MYO15A: variants seen among roughly 807,000 people sequenced by gnomAD.
MYO15A encodes the protein unconventional myosin-XV.
In MYO15A, 308 loss-of-function variants were observed where a neutral mutation model predicts 394.6. The observed-to-expected ratio is 0.78, with a 90% CI of 0.71 to 0.86. MYO15A has a LOEUF of 0.86. Ranked by LOEUF, MYO15A falls within the 40% of genes least tolerant of loss-of-function variation. The pLI, the probability that MYO15A is intolerant of heterozygous loss-of-function variation, is 0.00. For missense variants in MYO15A, 4,606 were observed against 4,799.1 expected (o/e 0.96, Z 1.19); for synonymous variants, 1,957 against 2,003.8 (o/e 0.98, Z 0.62).
At chr17:18,173,682 CT>C in intron 64 of MYO15A, 98 bp from the exon 65 acceptor site, 1 of 1,537,504 alleles carries the variant, frequency 6.5e-7, no homozygotes, top group Admixed American at 1.7e-5. Context: ...TGGAGTGAGT[CT>C]CCTGCCTCCT....
Position 18,120,164 on chromosome 17 carries a change from C to T in MYO15A, c.1364C>T (p.Ala455Val). The change falls in exon 2 of 66, where the codon GCC becomes GTC. Residue 455 changes from alanine (A) to valine (V), a missense_variant. Transcript: ENST00000647165. Reference sequence around the variant, plus strand: ...GGGACCTCCTTCCGCCTGCCCAGCGCCGCCTTCTTCGAGCAGCAAGGCATG... The same window carrying T: ...GGGACCTCCTTCCGCCTGCCCAGCGTCGCCTTCTTCGAGCAGCAAGGCATG... ...RQGTSFRLPS[A>V]AFFEQQGMDK... is the part of the protein sequence containing the mutation. 1.9e-6 allele frequency: 3 copies of T among 1,612,930 alleles called. No individual in the cohort carries two copies. The highest frequency in any genetic ancestry group is 2.5e-6 in the Non-Finnish European group (3 of 1,179,996).
intron 7 of MYO15A, among the ~76,000 whole-genome samples, chr17:18,128,989 T>G (rs1312589234): frequency 2.6e-5 from 4 of 152,082 alleles, no homozygotes; most frequent in Non-Finnish European, 5.9e-5. Context: ...AATCAAACAG[T>G]CCAGTTCAGT....
rs749875571 is a variant in MYO15A at position 18,154,170 on chromosome 17, C to G, written c.8128C>G (p.Leu2710Val). The change falls in exon 44 of 66, where the codon CTT becomes GTT. Residue 2710 changes from leucine to valine, a missense_variant. Transcript: ENST00000647165. Reference sequence around the variant, plus strand: ...GGACAGCTACAGCCATCCTGTGCAGCTTGACCTCCTGTTCCGGCAGGTGAG... The same window carrying G: ...GGACAGCTACAGCCATCCTGTGCAGGTTGACCTCCTGTTCCGGCAGGTGAG... Reference protein sequence around the residue: ...PKDSYSHPVQLDLLFRQILHD... With the variant: ...PKDSYSHPVQVDLLFRQILHD... The G allele has an allele frequency of 6.2e-7, 1 of 1,614,110 alleles. No individual in the cohort carries two copies. Among genetic ancestry groups the G allele is most frequent in the Non-Finnish European group, 8.5e-7 (1 of 1,180,042 alleles).
intron 56 of MYO15A, 103 bp from the exon 57 acceptor site, chr17:18,161,214 A>G (rs2046770772): frequency 4.8e-6 from 7 of 1,460,350 alleles, no homozygotes; most frequent in Non-Finnish European, 6.5e-6. Context: ...AGGGGACAGG[A>G]GCTGCCTGAG....
chr17:18,150,132 AC>A lies in MYO15A; in HGVS notation c.7213-293del, dbSNP rs1305386034. Among the ~76,000 whole-genome samples, 1 of 151,152 alleles carries A rather than the reference AC, an allele frequency of 6.6e-6. No individual in the cohort carries two copies. Among genetic ancestry groups the A allele is most frequent in the Non-Finnish European group, 1.5e-5 (1 of 67,798 alleles). On this transcript the variant is annotated intron_variant, in intron 35 of 65. Coordinates refer to ENST00000647165, the MANE Select transcript of MYO15A (RefSeq NM_016239.4). This position sits in a 1 kb window ranked among gnomAD's most constrained non-coding sequence, Gnocchi z 4.4. ...ACTCACTCTGGAAACTCCAGAACCC[AC>A]CCCACCCCCACTGCCCCTGGCATGA...
Position 18,120,006 on chromosome 17 carries a change from G to A in MYO15A, c.1206G>A (p.Pro402=). The part of the protein sequence containing the change: ...IYPPEVPYFY[P]EESASAFVYP... ...CCCCCGAGGTGCCCTATTTTTACCC[G>A]GAGGAGTCGGCTTCGGCCTTTGTGT... Residue 402 remains proline, a synonymous_variant, in exon 2 of 66, where the codon CCG becomes CCA. Coordinates refer to ENST00000647165, the MANE Select transcript of MYO15A (RefSeq NM_016239.4). 2 of 1,613,678 alleles carry A rather than the reference G, an allele frequency of 1.2e-6. No homozygotes were observed. The highest frequency in any genetic ancestry group is 4.5e-5 in the East Asian group (2 of 44,870).
intron 23 of MYO15A, 102 bp from the exon 24 acceptor site, chr17:18,141,977 G>A: frequency 1.4e-6 from 2 of 1,461,108 alleles, no homozygotes; most frequent in South Asian, 1.1e-5. Flanking sequence ...GCTCCAGGAG[G>A]CTGCCCTGCC....
chr17:18,157,224 G>A lies in MYO15A; in HGVS notation c.8782G>A (p.Asp2928Asn), dbSNP rs539109194. 3.9e-5 allele frequency: 63 copies of A among 1,604,342 alleles called. No individual in the cohort carries two copies. The Admixed American group carries it at 4.1e-4, about 10-fold the overall frequency. Residue 2928 changes from aspartate (D) to asparagine (N), a missense_variant, in exon 50 of 66, where the codon GAC (aspartate) becomes AAC (asparagine). Physicochemically the swap from Asp to Asn is conservative, Grantham distance 23. This residue lies in a region of MYO15A where 2,776 missense variants were observed against 3,109.3 expected (regional missense o/e 0.89). Coordinates refer to ENST00000647165, the MANE Select transcript of MYO15A (RefSeq NM_016239.4). ...GGAGGAGCTGCGACGTAGAGGCCCCGACTTTGGTGTGTGCCCCAGAACCTG... is the reference window on the plus strand; with the variant it reads ...GGAGGAGCTGCGACGTAGAGGCCCCAACTTTGGTGTGTGCCCCAGAACCTG... Reference protein sequence around the residue: ...YLEELRRRGPDFGWRFGTIHG... With the variant: ...YLEELRRRGPNFGWRFGTIHG...
rs2045915450 is a variant in MYO15A, at chr17:18,121,040, G to T, written c.2240G>T (p.Gly747Val). Residue 747 changes from glycine (G) to valine (V), a missense_variant, in exon 2 of 66, where the codon GGC (glycine) becomes GTC (valine). Transcript: ENST00000647165. The surrounding 1 kb of genome is among the most constrained non-coding windows in gnomAD (Gnocchi z 5.3). ...CCAGGGCCCCGACCCTCGTTCAGGG[G>T]CTCCCGCCGGAGAGGGGCGGCTTTC... ...AFPGPRPSFR[G>V]SRRRGAAFGF... 6.6e-6 allele frequency: 10 copies of T among 1,509,422 alleles called. No homozygotes were observed. The highest frequency in any genetic ancestry group is 8.8e-6 in the Non-Finnish European group (10 of 1,133,640). 93.5% of individuals were successfully genotyped at this position (1,509,422 alleles called of 1,614,324 possible). A position where few individuals can be genotyped will look rare whatever the true frequency, so the allele number is the denominator to read the frequency against.
chr17:18,115,932 G>T (rs1215465308), intron 1 of MYO15A, among the ~76,000 whole-genome samples: 3 of 152,120 alleles, frequency 2.0e-5, no homozygotes, highest in Non-Finnish European at 4.4e-5. Flanking sequence ...CGGCACTTAC[G>T]CCCCATTATC....
rs377478503 is a variant in MYO15A at position 18,141,157 on chromosome 17, G to A, written c.5531+14G>A. ...GTTCATCGACAGGTATCTTGGTTAC[G>A]GTAGTTCCTGAGCTCTACAAATCCC... On this transcript the variant is annotated intron_variant, in intron 22 of 65. Transcript: ENST00000647165. 3.9e-5 allele frequency: 63 copies of A among 1,612,980 alleles called. No individual in the cohort carries two copies. Among genetic ancestry groups the A allele is most frequent in the Admixed American group, 8.3e-5 (5 of 60,010 alleles).
In MYO15A at chr17:18,121,382, C is replaced by G; in HGVS notation, c.2582C>G (p.Ser861Cys). ...CTCTGCCACAGCCCGCGGCGCAGCT[C>G]CCTGAATCTGCCCTCGCGCCTCCCG... ...LGLCHSPRRS[S>C]LNLPSRLPHT... Residue 861 changes from serine to cysteine, a missense_variant, in exon 2 of 66, where the codon TCC becomes TGC. Transcript: ENST00000647165. This position sits in a 1 kb window ranked among gnomAD's most constrained non-coding sequence, Gnocchi z 5.3. The G allele has an allele frequency of 6.5e-7, 1 of 1,528,108 alleles. No homozygotes were observed. The highest frequency in any genetic ancestry group is 8.8e-7 in the Non-Finnish European group (1 of 1,141,978). 94.7% of individuals were successfully genotyped at this position (1,528,108 alleles called of 1,614,324 possible). A position where few individuals can be genotyped will look rare whatever the true frequency, so the allele number is the denominator to read the frequency against.
intron 12 of MYO15A, among the ~76,000 whole-genome samples, chr17:18,133,592 A>G (rs944321296): frequency 6.6e-6 from 1 of 152,148 alleles, no homozygotes; most frequent in Non-Finnish European, 1.5e-5. Flanking sequence ...TGAATTGCAA[A>G]TATATATTCC....
Position 18,157,868 on chromosome 17 carries a change from G to T in MYO15A, c.8935G>T (p.Ala2979Ser). Residue 2979 changes from alanine (A) to serine (S), a missense_variant, in exon 51 of 66, where the codon GCC (alanine) becomes TCC (serine). This residue lies in a region of MYO15A where 2,776 missense variants were observed against 3,109.3 expected (regional missense o/e 0.89). Coordinates refer to ENST00000647165, the MANE Select transcript of MYO15A (RefSeq NM_016239.4). ...CGTGGCCGCTGCTGTGGCCTCTGCAGCCGCTGCACAGGAGGTGGGCCGCAG... is the reference window on the plus strand; with the variant it reads ...CGTGGCCGCTGCTGTGGCCTCTGCATCCGCTGCACAGGAGGTGGGCCGCAG... ...AAVAAAVASA[A>S]AAQEVGRRRE... is the part of the protein sequence containing the mutation. The T allele has an allele frequency of 6.7e-7, 1 of 1,500,428 alleles. No homozygotes were observed. 92.9% of individuals were successfully genotyped at this position (1,500,428 alleles called of 1,614,324 possible).
Position 18,176,085 on chromosome 17 carries a change from G to A in MYO15A, c.10491+2164G>A, listed in dbSNP as rs192175192. ...CTAACCTTCCTCCCTAAGAACTCAC[G>A]ATCCCTGCCCCCATAGCCCTACTTA... On this transcript the variant is annotated intron_variant, in intron 65 of 65. Coordinates refer to ENST00000647165, the MANE Select transcript of MYO15A (RefSeq NM_016239.4). Among the ~76,000 whole-genome samples the A allele has an allele frequency of 1.9e-4, 29 of 152,152 alleles. No individual in the cohort carries two copies. The East Asian group carries it at 4.8e-3, about 25-fold the overall frequency.
rs533000204 is a variant in MYO15A at position 18,135,469 on chromosome 17, G to A, written c.4483-242G>A. On this transcript the variant is annotated intron_variant, in intron 12 of 65. Transcript: ENST00000647165. ...CAATTCTCCTGCCTCAGCCTCCTGA[G>A]TAGCTGGGATTACAGGCATACGCCA... Among the ~76,000 whole-genome samples the A allele has an allele frequency of 1.8e-4, 28 of 152,350 alleles. No individual in the cohort carries two copies. In the South Asian group the frequency reaches 5.6e-3, roughly 30 times the overall value.
chr17:18,130,030 C>G (rs142854153), intron 7 of MYO15A, among the ~76,000 whole-genome samples: 2,944 of 152,264 alleles, frequency 0.019, 52 homozygotes, highest in Non-Finnish European at 0.03. Flanking sequence ...CAGGCGCCCA[C>G]GACCACGCCC....
At chr17:18,159,502 C>T (rs1373535404) in intron 54 of MYO15A, 104 bp from the exon 55 acceptor site, 1 of 1,498,206 alleles carries the variant, frequency 6.7e-7, no homozygotes, top group East Asian at 2.3e-5. Context: ...CTCCCAGCTG[C>T]CTGTGGCCAA....
In MYO15A at chr17:18,120,800, C is replaced by A; in HGVS notation, c.2000C>A (p.Pro667Gln). 1.5e-6 allele frequency: 2 copies of A among 1,303,320 alleles called. No homozygotes were observed. Among genetic ancestry groups the A allele is most frequent in the Non-Finnish European group, 1.9e-6 (2 of 1,029,136 alleles). The allele number at this position is 1,303,320 out of a possible 1,614,324, so 80.7% of individuals were successfully genotyped here. The change falls in exon 2 of 66, where the codon CCG becomes CAG. Residue 667 changes from proline (P) to glutamine (Q), a missense_variant. Coordinates refer to ENST00000647165, the MANE Select transcript of MYO15A (RefSeq NM_016239.4). Reference sequence around the variant, plus strand: ...GCGCTCCTGTCTCCGCCCGTGCCCCCGCGGCCCCCAAGCTCCGGGCCCCCG... The same window carrying A: ...GCGCTCCTGTCTCCGCCCGTGCCCCAGCGGCCCCCAAGCTCCGGGCCCCCG... The part of the protein sequence containing the change: ...WSALLSPPVP[P>Q]RPPSSGPPPA...
Sources: gnomAD v4.1 joint callset for allele counts (sites outside exome capture counted in the v4.1 genomes callset) on GRCh38, gnomAD v4.1.1 for gene constraint, gnomAD v4.1.1 regional missense constraint, Gnocchi (gnomAD v3.1) non-coding constraint, MANE v1.5 for transcripts, NCBI Gene and HGNC (gene_info 2026-07-23, HGNC 2026-07-21) for gene names.